The following HSD17B3 variants were observed in gnomAD, a reference collection of about 807,000 sequenced individuals.
The protein encoded by HSD17B3 is hydroxysteroid 17-beta dehydrogenase 3, also known as 17-beta-hydroxysteroid dehydrogenase type 3.
In HSD17B3, 29 loss-of-function variants were observed where a neutral mutation model predicts 41.1. That is an observed-to-expected ratio of 0.71 (90% CI 0.53 to 0.96). The LOEUF is 0.96. Ranked by LOEUF, HSD17B3 falls within the 40% of genes least tolerant of loss-of-function variation. The probability of loss-of-function intolerance (pLI) is 0.00; values close to 1 mark genes in which losing one functional copy is unlikely to be tolerated. For synonymous variants in HSD17B3, 126 were observed against 145.6 expected (o/e 0.87, Z 0.97); for missense variants, 323 against 374.6 (o/e 0.86, Z 1.14).
intron 2 of HSD17B3, among the ~76,000 whole-genome samples, chr9:96,263,260 C>T (rs933776554): frequency 1.3e-5 from 2 of 152,144 alleles, no homozygotes; most frequent in Non-Finnish European, 2.9e-5. Context: ...TTCTCAGGTT[C>T]ATGGTCACCT....
intron 2 of HSD17B3, among the ~76,000 whole-genome samples, chr9:96,289,925 C>T (rs1189793007): frequency 6.6e-6 from 1 of 152,104 alleles, no homozygotes; most frequent in East Asian, 1.9e-4. Flanking sequence ...ATGAATGGGC[C>T]TTGTTTTCCT....
intron 10 of HSD17B3, among the ~76,000 whole-genome samples, chr9:96,236,277 G>A (rs976802786): frequency 1.3e-4 from 19 of 151,710 alleles, no homozygotes; most frequent in Non-Finnish European, 2.6e-4. Context: ...AGCACTTTGG[G>A]AGGCTAAGGC....
intron 2 of HSD17B3, among the ~76,000 whole-genome samples, chr9:96,274,105 G>C (rs1446667847): frequency 6.6e-6 from 1 of 152,192 alleles, no homozygotes; most frequent in Non-Finnish European, 1.5e-5. Context: ...TAACAAAGAA[G>C]TCAAAATAAT....
chr9:96,255,013 C>G (rs1825574325), intron 2 of HSD17B3, 70 bp from the exon 3 acceptor site: 1 of 1,341,300 alleles, frequency 7.5e-7, no homozygotes, highest in African/African-American at 1.4e-5. Flanking sequence ...GTTAAGGTGA[C>G]TTGGTCCTGA....
intron 9 of HSD17B3, among the ~76,000 whole-genome samples, chr9:96,242,144 A>G (rs1836483767): frequency 6.6e-6 from 1 of 152,194 alleles, no homozygotes; most frequent in African/African-American, 2.4e-5. Context: ...CCAAATGAGC[A>G]GGTTCCTATG....
rs12552750 is a variant in HSD17B3, at chr9:96,240,060, C to T, written c.822+698G>A. On this transcript the variant is annotated intron_variant, in intron 10 of 10. Transcript: ENST00000375263. ...ACACAGGGAGGGGAACATCACACACCGGGGCCTGTCGGGGGGTGGGGGGCA... is the reference window on the plus strand; with the variant it reads ...ACACAGGGAGGGGAACATCACACACTGGGGCCTGTCGGGGGGTGGGGGGCA... Among the ~76,000 whole-genome samples the T allele has an allele frequency of 9.9e-3, 1,256 of 126,694 alleles. 53 individuals are homozygous for T. Among genetic ancestry groups the T allele is most frequent in the Admixed American group, 0.089 (1,080 of 12,170 alleles). The allele number at this position is 126,694 out of a possible 152,430, so 83.1% of individuals were successfully genotyped here. A position where few individuals can be genotyped will look rare whatever the true frequency, so the allele number is the denominator to read the frequency against.
intron 1 of HSD17B3, among the ~76,000 whole-genome samples, chr9:96,301,420 T>C (rs953707614): frequency 2.8e-5 from 4 of 142,938 alleles, no homozygotes; most frequent in African/African-American, 7.8e-5. Context: ...CTACTAAAAA[T>C]ACAAAACGTT....
At chr9:96,288,936 CA>C (rs11324337) in intron 2 of HSD17B3, among the ~76,000 whole-genome samples, 121,729 of 135,208 alleles carry the variant, frequency 0.9, 54,602 homozygotes, top group African/African-American at 0.94. Context: ...GACTCCGTCT[CA>C]AAAAAAAAAA....
At chr9:96,244,524 G>T in intron 8 of HSD17B3, 130 bp from the exon 9 acceptor site, 1 of 794,106 alleles carries the variant, frequency 1.3e-6, no homozygotes, top group Non-Finnish European at 2.2e-6. Flanking sequence ...GGAGCTCTGG[G>T]TACGGAGGGT....
At chr9:96,251,353 T>A (rs1825400227) in intron 5 of HSD17B3, 65 bp downstream of exon 5, 1 of 1,402,754 alleles carries the variant, frequency 7.1e-7, no homozygotes, top group South Asian at 1.2e-5. Context: ...GCCTGACTCA[T>A]TACCCAGCCA....
At chr9:96,289,364 T>C (rs548688131) in intron 2 of HSD17B3, among the ~76,000 whole-genome samples, 1 of 152,248 alleles carries the variant, frequency 6.6e-6, no homozygotes, top group East Asian at 1.9e-4. Flanking sequence ...AAATGTTTTT[T>C]CATTTTAAAA....
chr9:96,250,802 C>A (rs1020693007), intron 5 of HSD17B3, among the ~76,000 whole-genome samples: 5 of 151,226 alleles, frequency 3.3e-5, no homozygotes, highest in Non-Finnish European at 7.4e-5. Flanking sequence ...GCAGGAGAAT[C>A]GCTTGAACCC....
intron 2 of HSD17B3, among the ~76,000 whole-genome samples, chr9:96,260,369 G>C (rs1299814130): frequency 6.6e-6 from 1 of 152,138 alleles, no homozygotes; most frequent in Non-Finnish European, 1.5e-5. Context: ...TGCAAAAATT[G>C]TAACAGTGAG....
chr9:96,249,599 G>A, intron 6 of HSD17B3, 152 bp downstream of exon 6: 1 of 701,456 alleles, frequency 1.4e-6, no homozygotes, highest in Non-Finnish European at 2.6e-6. Flanking sequence ...AACAGAACAA[G>A]ACAATTACAA....
chr9:96,241,961 A>AAAAGAAGGAAAGAAAGAAAGAAAGAAAG (rs1836459211), intron 9 of HSD17B3, among the ~76,000 whole-genome samples: 1 of 100,696 alleles, frequency 9.9e-6, no homozygotes, highest in African/African-American at 4.2e-5. Flanking sequence ...AAAGAACAGA[A>AAAAGAAGGAAAGAAAGAAAGAAAGAAAG]AAAGAAAGAA....
intron 2 of HSD17B3, among the ~76,000 whole-genome samples, chr9:96,290,416 G>A (rs1237819091): frequency 6.8e-6 from 1 of 147,696 alleles, no homozygotes; most frequent in African/African-American, 2.5e-5. Flanking sequence ...TCATTTAGGG[G>A]CCTCGGAACC....
Position 96,300,961 on chromosome 9 carries a change from A to G in HSD17B3, c.154+990T>C, listed in dbSNP as rs535900190. Among the ~76,000 whole-genome samples the G allele has an allele frequency of 5.9e-5, 9 of 152,342 alleles. No individual in the cohort carries two copies. The South Asian group carries it at 1.9e-3, about 32-fold the overall frequency. On this transcript the variant is annotated intron_variant, in intron 1 of 10. Transcript: ENST00000375263. ...ATTATTTAGATTTCAAAATTTGGAA[A>G]CACCTTTTAGTAAAGTGAAAGCACC...
chr9:96,268,944 A>C (rs1826137196), intron 2 of HSD17B3, among the ~76,000 whole-genome samples: 2 of 152,160 alleles, frequency 1.3e-5, no homozygotes, highest in African/African-American at 4.8e-5. Context: ...GCGAAACTCC[A>C]TCTCAAAAAG....
chr9:96,256,017 C>T (rs1825641585), intron 2 of HSD17B3, among the ~76,000 whole-genome samples: 1 of 152,124 alleles, frequency 6.6e-6, no homozygotes, highest in Non-Finnish European at 1.5e-5. Flanking sequence ...AAAACTGCTA[C>T]CAGTGAGAAA....
Sources: gnomAD v4.1 joint callset for allele counts (sites outside exome capture counted in the v4.1 genomes callset) on GRCh38, gnomAD v4.1.1 for gene constraint, MANE v1.5 for transcripts, NCBI Gene and HGNC (gene_info 2026-07-23, HGNC 2026-07-21) for gene names.